GOLM1: variants seen among roughly 807,000 people sequenced by gnomAD.
GOLM1 encodes epididymis luminal protein 46.
GOLM1 carries 31 observed loss-of-function variants against 50.5 expected under a neutral mutation model. The observed-to-expected ratio is 0.61, with a 90% CI of 0.46 to 0.83. The LOEUF is 0.83. Among genes scored for constraint, GOLM1 ranks in the 40% least tolerant of loss-of-function variants. GOLM1 has a pLI of 0.00. For missense variants in GOLM1, 491 were observed against 501.3 expected (o/e 0.98, Z 0.20); for synonymous variants, 178 against 192.8 (o/e 0.92, Z 0.64).
At chr9:86,072,364 GT>G (rs1363072039) in intron 3 of GOLM1, among the ~76,000 whole-genome samples, 1 of 152,156 alleles carries the variant, frequency 6.6e-6, no homozygotes, top group Non-Finnish European at 1.5e-5. Flanking sequence ...ACCATTCTAT[GT>G]CTCATTATGT....
In GOLM1 at chr9:86,027,345, A is replaced by G. The variant is rs1832816816; in HGVS notation, c.*472T>C. 2 of 987,632 alleles carry G rather than the reference A, an allele frequency of 2.0e-6. No homozygotes were observed. Among genetic ancestry groups the G allele is most frequent in the Non-Finnish European group, 1.2e-6 (1 of 831,538 alleles). 61.2% of individuals were successfully genotyped at this position (987,632 alleles called of 1,614,324 possible). ...TCAGAATCAGAAGTGACTACACAAG[A>G]GCATTAGCCAGACTTTTCAGTGAGA... On this transcript the variant is annotated 3_prime_UTR_variant, in exon 10 of 10. Transcript: ENST00000388712.
intron 3 of GOLM1, among the ~76,000 whole-genome samples, chr9:86,063,117 A>G (rs1834208699): frequency 6.6e-6 from 1 of 152,250 alleles, no homozygotes; most frequent in Admixed American, 6.5e-5. Flanking sequence ...GGAGCACCCC[A>G]CACACTGCCA....
At chr9:86,053,621 A>G (rs1411009220) in intron 3 of GOLM1, among the ~76,000 whole-genome samples, 54 of 2,610 alleles carry the variant, frequency 0.021, no homozygotes, top group Non-Finnish European at 0.023. Flanking sequence ...ACACCACACC[A>G]AACATCACTA....
At chr9:86,093,375 CAAAAAAAAA>C (rs34420567) in intron 1 of GOLM1, among the ~76,000 whole-genome samples, 2 of 109,322 alleles carry the variant, frequency 1.8e-5, no homozygotes, top group South Asian at 6.7e-4. Flanking sequence ...GATTCTGCCT[CAAAAAAAAA>C]AAAAAAAAAA....
intron 3 of GOLM1, among the ~76,000 whole-genome samples, chr9:86,061,740 T>TA (rs1185912105): frequency 6.6e-6 from 1 of 152,194 alleles, no homozygotes; most frequent in African/African-American, 2.4e-5. Context: ...GGAACCCAAA[T>TA]ATGGGGGCAT....
At chr9:86,080,590 G>C (rs977992196) in intron 1 of GOLM1, among the ~76,000 whole-genome samples, 15 of 152,080 alleles carry the variant, frequency 9.9e-5, no homozygotes, top group Non-Finnish European at 2.2e-4. Context: ...CTCACCCTAT[G>C]GTCTTTTCAG....
chr9:86,033,508 T>C, intron 8 of GOLM1, 113 bp from the exon 9 acceptor site: 1 of 671,096 alleles, frequency 1.5e-6, no homozygotes, highest in Admixed American at 2.4e-5. Flanking sequence ...CAGATCTGTC[T>C]GCTGCCTCTC....
chr9:86,026,716 A>T lies in GOLM1; in HGVS notation c.*1101T>A. The T allele has an allele frequency of 1.0e-6, 1 of 981,836 alleles. No individual in the cohort carries two copies. The highest frequency in any genetic ancestry group is 1.2e-6 in the Non-Finnish European group (1 of 826,738). The allele number at this position is 981,836 out of a possible 1,614,324, so 60.8% of individuals were successfully genotyped here. ...AATACTAAGAACCAACTCAAGTCAA[A>T]CCTTAATGCCATTGTTATTGTGAAT... On this transcript the variant is annotated 3_prime_UTR_variant, in exon 10 of 10. Transcript: ENST00000388712.
At chr9:86,040,908 G>A in intron 5 of GOLM1, 40 bp from the exon 6 acceptor site, 2 of 1,602,982 alleles carry the variant, frequency 1.2e-6, no homozygotes, top group Non-Finnish European at 8.5e-7. Context: ...TGACGTCTAT[G>A]ACTGTGTCTC....
chr9:86,092,957 A>G (rs759114159), intron 1 of GOLM1, among the ~76,000 whole-genome samples: 1 of 152,254 alleles, frequency 6.6e-6, no homozygotes, highest in Non-Finnish European at 1.5e-5. Context: ...AAGCTTCAGA[A>G]TATGTTTGTC....
At chr9:86,065,270 G>A (rs1834275339) in intron 3 of GOLM1, among the ~76,000 whole-genome samples, 1 of 152,144 alleles carries the variant, frequency 6.6e-6, no homozygotes, top group East Asian at 1.9e-4. Context: ...TGGTAAATGT[G>A]CAATGAACAC....
chr9:86,080,702 C>G (rs1278367184), intron 1 of GOLM1, among the ~76,000 whole-genome samples: 1 of 152,100 alleles, frequency 6.6e-6, no homozygotes, highest in Non-Finnish European at 1.5e-5. Flanking sequence ...TAAAATAAAG[C>G]ACCCCCAGAA....
At chr9:86,032,102 C>T (rs961127593) in intron 9 of GOLM1, among the ~76,000 whole-genome samples, 1 of 152,110 alleles carries the variant, frequency 6.6e-6, no homozygotes, top group Non-Finnish European at 1.5e-5. Context: ...ACTCACTCAA[C>T]TCCCCCATGA....
chr9:86,027,520 G>T lies in GOLM1; in HGVS notation c.*297C>A. 1 of 1,172,412 alleles carries T rather than the reference G, an allele frequency of 8.5e-7. No homozygotes were observed. The highest frequency in any genetic ancestry group is 1.1e-6 in the Non-Finnish European group (1 of 947,980). 72.6% of individuals were successfully genotyped at this position (1,172,412 alleles called of 1,614,324 possible). A position where few individuals can be genotyped will look rare whatever the true frequency, so the allele number is the denominator to read the frequency against. On this transcript the variant is annotated 3_prime_UTR_variant, in exon 10 of 10. Coordinates refer to ENST00000388712, the MANE Select transcript of GOLM1 (RefSeq NM_016548.4). Reference sequence around the variant, plus strand: ...TTATATTCCAGAATCAGGAAGCCCCGCTGTCGCCAACACTTGAAGGAGAAC... The same window carrying T: ...TTATATTCCAGAATCAGGAAGCCCCTCTGTCGCCAACACTTGAAGGAGAAC...
chr9:86,095,906 T>C, intron 1 of GOLM1, among the ~76,000 whole-genome samples: 1 of 152,210 alleles, frequency 6.6e-6, no homozygotes, highest in South Asian at 2.1e-4. Context: ...GTTGAGGCAG[T>C]GTGGCTTAGG....
chr9:86,045,695 TACAC>T (rs771914212), intron 5 of GOLM1, among the ~76,000 whole-genome samples: 1 of 147,570 alleles, frequency 6.8e-6, no homozygotes, highest in African/African-American at 2.5e-5. Context: ...AAAAAGTATA[TACAC>T]ACACACACAC....
chr9:86,039,591 T>C (rs1833264517), intron 6 of GOLM1, among the ~76,000 whole-genome samples: 1 of 152,180 alleles, frequency 6.6e-6, no homozygotes, highest in African/African-American at 2.4e-5. Flanking sequence ...ATCCACAGGA[T>C]GGATTAATCA....
rs115784136 is a variant in GOLM1, at chr9:86,073,025, C to T, written c.309+4387G>A. Among the ~76,000 whole-genome samples the T allele has an allele frequency of 5.9e-3, 897 of 152,250 alleles. 4 individuals carry two copies. Among genetic ancestry groups the T allele is most frequent in the African/African-American group, 0.019 (770 of 41,530 alleles). ...TAATTGACCAAAACATCACATGTGG[C>T]GCATGACTGCATACATCTTAATTAC... On this transcript the variant is annotated intron_variant, in intron 3 of 9. Transcript: ENST00000388712.
At chr9:86,079,624 A>G (rs1288247488) in intron 1 of GOLM1, 1 of 290,178 alleles carries the variant, frequency 3.4e-6, no homozygotes, top group African/African-American at 2.2e-5. Flanking sequence ...ACCTGGGGCA[A>G]GACATGATTC....
Sources: gnomAD v4.1 joint callset for allele counts (sites outside exome capture counted in the v4.1 genomes callset) on GRCh38, gnomAD v4.1.1 for gene constraint, MANE v1.5 for transcripts, NCBI Gene and HGNC (gene_info 2026-07-23, HGNC 2026-07-21) for gene names.